CCSER1: variants seen among roughly 807,000 people sequenced by gnomAD.
CCSER1 encodes the protein coiled-coil serine rich protein 1.
A neutral mutation model predicts 82.0 loss-of-function variants in CCSER1; 41 were observed. The observed-to-expected ratio is 0.50, with a 90% confidence interval of 0.39 to 0.65. CCSER1 has a LOEUF of 0.65. Ranked by LOEUF, CCSER1 falls within the 30% of genes least tolerant of loss-of-function variation. The pLI, the probability that CCSER1 is intolerant of heterozygous loss-of-function variation, is 0.00. For synonymous variants in CCSER1, 414 were observed against 383.9 expected, an observed-to-expected ratio of 1.08 and a Z score of -0.92; for missense variants, 1,119 against 1,064.2, an observed-to-expected ratio of 1.05 and a Z score of -0.72.
At chr4:90,452,015 TC>T (rs1402872965) in intron 4 of CCSER1, among the ~76,000 whole-genome samples, 2 of 152,118 alleles carry the variant, frequency 1.3e-5, no homozygotes, top group African/African-American at 4.8e-5. Flanking sequence ...TTAACTGCTT[TC>T]CCCTTGTTTA....
chr4:91,439,876 A>G (rs1367489544), intron 10 of CCSER1, among the ~76,000 whole-genome samples: 1 of 152,232 alleles, frequency 6.6e-6, no homozygotes, highest in African/African-American at 2.4e-5. Context: ...GAAGGCCATT[A>G]CATAATGGTA....
At chr4:90,439,452 C>CT in intron 4 of CCSER1, among the ~76,000 whole-genome samples, 1 of 152,250 alleles carries the variant, frequency 6.6e-6, no homozygotes, top group South Asian at 2.1e-4. Context: ...ATAAAACATT[C>CT]TTTTAACTCA....
intron 5 of CCSER1, among the ~76,000 whole-genome samples, chr4:90,590,563 A>G (rs999330713): frequency 3.9e-5 from 6 of 151,990 alleles, no homozygotes; most frequent in African/African-American, 1.4e-4. Flanking sequence ...CTGGGCAAAA[A>G]GAGTGAAACT....
At chr4:90,602,201 G>A (rs758113301) in intron 5 of CCSER1, among the ~76,000 whole-genome samples, 51 of 152,136 alleles carry the variant, frequency 3.4e-4, no homozygotes, top group Middle Eastern at 3.4e-3. Flanking sequence ...TCTGTTATTA[G>A]CTGCAAAGCA....
intron 10 of CCSER1, among the ~76,000 whole-genome samples, chr4:91,326,048 G>A (rs1746539626): frequency 6.6e-6 from 1 of 151,792 alleles, no homozygotes. Flanking sequence ...TTGCTAGACT[G>A]AGAATATGTC....
Position 90,502,314 on chromosome 4 carries a change from G to A in CCSER1, c.1724+33960G>A, listed in dbSNP as rs564996614. Among the ~76,000 whole-genome samples the A allele has an allele frequency of 1.6e-4, 25 of 152,230 alleles. No individual in the cohort carries two copies. The South Asian group carries it at 5.0e-3, about 30-fold the overall frequency. ...GAGAGAGAGAAAGAGAGCACAAGGG[G>A]AAGTGCAACACCCTTTTAAACAATC... On this transcript the variant is annotated intron_variant, in intron 5 of 10. Coordinates refer to ENST00000509176, the MANE Select transcript of CCSER1 (RefSeq NM_001145065.2).
At chr4:90,909,751 G>GATT (rs1206258896) in intron 8 of CCSER1, among the ~76,000 whole-genome samples, 15 of 152,070 alleles carry the variant, frequency 9.9e-5, no homozygotes, top group Middle Eastern at 3.2e-3. Context: ...AGAAGAAATG[G>GATT]ATTAGCCTGT....
At chr4:91,417,503 A>G (rs1052355249) in intron 10 of CCSER1, among the ~76,000 whole-genome samples, 3 of 152,176 alleles carry the variant, frequency 2.0e-5, no homozygotes, top group African/African-American at 7.2e-5. Flanking sequence ...ATGGAATACT[A>G]TGCAGCTATA....
At chr4:91,129,076 T>C (rs1382702775) in intron 10 of CCSER1, among the ~76,000 whole-genome samples, 2 of 152,048 alleles carry the variant, frequency 1.3e-5, no homozygotes, top group Non-Finnish European at 2.9e-5. Context: ...TTATAATTTC[T>C]AGATGGCCGA....
chr4:91,256,898 T>G (rs568600015), intron 10 of CCSER1, among the ~76,000 whole-genome samples: 20 of 152,362 alleles, frequency 1.3e-4, no homozygotes, highest in African/African-American at 4.6e-4. Flanking sequence ...GTCATGCTTC[T>G]TGGGTTAAAC....
At chr4:90,571,053 A>C (rs926832088) in intron 5 of CCSER1, among the ~76,000 whole-genome samples, 1 of 152,206 alleles carries the variant, frequency 6.6e-6, no homozygotes, top group Non-Finnish European at 1.5e-5. Flanking sequence ...ACCAGTCAGA[A>C]TGGCTATTAT....
chr4:90,389,244 G>A (rs986255154), intron 3 of CCSER1, among the ~76,000 whole-genome samples: 1 of 152,118 alleles, frequency 6.6e-6, no homozygotes, highest in African/African-American at 2.4e-5. Flanking sequence ...ACTGACAGTT[G>A]TGAAAAATAA....
intron 7 of CCSER1, among the ~76,000 whole-genome samples, chr4:90,814,721 C>A (rs539991994): frequency 6.6e-6 from 1 of 152,294 alleles, no homozygotes; most frequent in South Asian, 2.1e-4. Flanking sequence ...GCACCAGGCT[C>A]TTTGCTAAAG....
chr4:91,509,800 A>C (rs1050223908), intron 10 of CCSER1, among the ~76,000 whole-genome samples: 3 of 152,206 alleles, frequency 2.0e-5, no homozygotes, highest in African/African-American at 7.2e-5. Context: ...AATTAATAGA[A>C]TATAGATGAT....
At chr4:90,152,935 G>T (rs562529034) in intron 1 of CCSER1, among the ~76,000 whole-genome samples, 1 of 150,230 alleles carries the variant, frequency 6.7e-6, no homozygotes, top group East Asian at 2.0e-4. Context: ...TGCACAATGT[G>T]CAGGTTAGTT....
At chr4:90,965,115 G>T (rs1734435218) in intron 9 of CCSER1, among the ~76,000 whole-genome samples, 1 of 152,010 alleles carries the variant, frequency 6.6e-6, no homozygotes. Flanking sequence ...TGAACTCAGG[G>T]CTTACTCATT....
At chr4:90,861,926 A>ATATTT (rs1486179354) in intron 8 of CCSER1, among the ~76,000 whole-genome samples, 8,504 of 125,274 alleles carry the variant, frequency 0.068, 327 homozygotes, top group Middle Eastern at 0.13. Context: ...ATATATATAT[A>ATATTT]TTTTTTTTTT....
rs183663300 is a variant in CCSER1 at position 90,437,082 on chromosome 4, A to G, written c.1604-31152A>G. Among the ~76,000 whole-genome samples, 1,368 of 152,188 alleles carry G rather than the reference A, an allele frequency of 9.0e-3. 11 individuals carry two copies. Among genetic ancestry groups the G allele is most frequent in the Non-Finnish European group, 0.015 (996 of 68,006 alleles). On this transcript the variant is annotated intron_variant, in intron 4 of 10. Coordinates refer to ENST00000509176, the MANE Select transcript of CCSER1 (RefSeq NM_001145065.2). ...GTGATCCACCTGCCTCAGCCTCCCA[A>G]AGTGCTGGGATTTCAGGCGTGAGCC...
intron 3 of CCSER1, among the ~76,000 whole-genome samples, chr4:90,314,258 C>A (rs1735779102): frequency 1.3e-5 from 2 of 152,102 alleles, no homozygotes; most frequent in Non-Finnish European, 2.9e-5. Flanking sequence ...ATATTTCATG[C>A]TTCGTTTTGT....
Sources: gnomAD v4.1 joint callset for allele counts (sites outside exome capture counted in the v4.1 genomes callset) on GRCh38, gnomAD v4.1.1 for gene constraint, MANE v1.5 for transcripts, NCBI Gene and HGNC (gene_info 2026-07-23, HGNC 2026-07-21) for gene names.